PRKCH: variants seen among roughly 807,000 people sequenced by gnomAD.
PRKCH encodes the protein protein kinase C eta type.
In PRKCH, 28 loss-of-function variants were observed where a neutral mutation model predicts 82.5. The ratio of observed to expected loss-of-function variants is 0.34; its 90% CI spans 0.25 to 0.47. PRKCH has a LOEUF of 0.47. Among genes scored for constraint, PRKCH ranks in the 20% least tolerant of loss-of-function variants. The pLI, the probability that PRKCH is intolerant of heterozygous loss-of-function variation, is 1.00. For synonymous variants in PRKCH, 322 were observed against 327.4 expected, an observed-to-expected ratio of 0.98 and a Z score of 0.18; for missense variants, 705 against 881.8, an observed-to-expected ratio of 0.80 and a Z score of 2.54.
chr14:61,336,032 G>A lies in PRKCH; in HGVS notation c.363+13568G>A, dbSNP rs1459568788. Among the ~76,000 whole-genome samples, 4 of 152,060 alleles carry A rather than the reference G, an allele frequency of 2.6e-5. 1 individual carries two copies. Among genetic ancestry groups the A allele is most frequent in the African/African-American group, 9.7e-5 (4 of 41,398 alleles). On this transcript the variant is annotated intron_variant, in intron 1 of 13. Transcript: ENST00000332981. Reference sequence around the variant, plus strand: ...CCACAACACAGTACCTGCCTCACAGGGTTACTTCAGAACACAGTGAGGACT... The same window carrying A: ...CCACAACACAGTACCTGCCTCACAGAGTTACTTCAGAACACAGTGAGGACT...
At chr14:61,485,808 G>T (rs549196262) in intron 10 of PRKCH, 152 bp downstream of exon 10, 2 of 1,097,918 alleles carry the variant, frequency 1.8e-6, no homozygotes, top group South Asian at 1.6e-5. Context: ...TTGAGACAGG[G>T]TCTCACTCCA....
At chr14:61,428,076 T>TAGATAGATACAC (rs377250538) in intron 2 of PRKCH, among the ~76,000 whole-genome samples, 2,742 of 126,120 alleles carry the variant, frequency 0.022, 39 homozygotes, top group African/African-American at 0.033. Context: ...GATAGATAGA[T>TAGATAGATACAC]ACACACACAC....
At chr14:61,391,389 G>T in intron 2 of PRKCH, 101 bp downstream of exon 2, 1 of 1,038,174 alleles carries the variant, frequency 9.6e-7, no homozygotes, top group Non-Finnish European at 1.4e-6. Context: ...CATGTTGTAA[G>T]AGATGCTTAA....
chr14:61,214,526 G>C (rs535817570), intron 1 of PRKCH, among the ~76,000 whole-genome samples: 1 of 152,222 alleles, frequency 6.6e-6, no homozygotes, highest in South Asian at 2.1e-4. Flanking sequence ...AAATACCATA[G>C]ACTAGGTGAC....
At chr14:61,493,997 GGA>G (rs1419917357) in intron 10 of PRKCH, among the ~76,000 whole-genome samples, 1 of 152,152 alleles carries the variant, frequency 6.6e-6, no homozygotes, top group Non-Finnish European at 1.5e-5. Context: ...CCATTAGCTA[GGA>G]GAGATCATGT....
intron 1 of PRKCH, chr14:61,327,039 C>T (rs888087418): frequency 2.2e-5 from 10 of 455,814 alleles, no homozygotes; most frequent in Admixed American, 7.0e-5. Flanking sequence ...CTGGAGGCTG[C>T]GTCATGGAAA....
intron 1 of PRKCH, among the ~76,000 whole-genome samples, chr14:61,359,126 T>A (rs889155982): frequency 5.9e-5 from 9 of 152,176 alleles, no homozygotes; most frequent in African/African-American, 1.9e-4. Flanking sequence ...ATGCTTGACA[T>A]GTAGTAAGTG....
At chr14:61,490,073 C>T (rs1179282155) in intron 10 of PRKCH, among the ~76,000 whole-genome samples, 1 of 152,236 alleles carries the variant, frequency 6.6e-6, no homozygotes. Flanking sequence ...TGCTTTTCGA[C>T]TCATGAGTCT....
At chr14:61,200,388 A>AGAGTGTGT (rs34857176) in intron 1 of PRKCH, among the ~76,000 whole-genome samples, 2 of 142,416 alleles carry the variant, frequency 1.4e-5, no homozygotes, top group African/African-American at 5.9e-5. Context: ...TGAGTGAGTG[A>AGAGTGTGT]GTGTGTGTGT....
At chr14:61,240,510 A>T (rs548226896) in intron 1 of PRKCH, among the ~76,000 whole-genome samples, 2 of 152,278 alleles carry the variant, frequency 1.3e-5, no homozygotes, top group African/African-American at 4.8e-5. Context: ...ATAAGAGGGC[A>T]GGACTGCCAG....
In PRKCH at chr14:61,205,500, C is replaced by T. The variant is rs138945433; in HGVS notation, c.-19+17832C>T. 7.7e-3 allele frequency among the ~76,000 whole-genome samples: 1,168 copies of T among 152,250 alleles called. 15 individuals carry two copies. The highest frequency in any genetic ancestry group is 0.026 in the African/African-American group (1,075 of 41,532). On this transcript the variant is annotated intron_variant, in intron 1 of 3. Coordinates refer to the PRKCH transcript ENST00000555185. Reference sequence around the variant, plus strand: ...GGCTTCCAGGGGAGAGGCAAGGAAGCCCAGTGGGAGCTGTAGATGTGATTG... The same window carrying T: ...GGCTTCCAGGGGAGAGGCAAGGAAGTCCAGTGGGAGCTGTAGATGTGATTG...
At chr14:61,226,605 T>C (rs999923969) in intron 1 of PRKCH, among the ~76,000 whole-genome samples, 1 of 152,238 alleles carries the variant, frequency 6.6e-6, no homozygotes, top group African/African-American at 2.4e-5. Flanking sequence ...GGCAGAAAAC[T>C]GGATGTTGTG....
intron 1 of PRKCH, among the ~76,000 whole-genome samples, chr14:61,256,260 T>A (rs879556030): frequency 6.6e-6 from 1 of 152,188 alleles, no homozygotes; most frequent in Admixed American, 6.5e-5. Context: ...AAATGAATCA[T>A]ACAAAAAGGT....
chr14:61,271,732 C>A (rs1156629642), intron 1 of PRKCH, among the ~76,000 whole-genome samples: 2 of 152,134 alleles, frequency 1.3e-5, no homozygotes, highest in Non-Finnish European at 2.9e-5. Context: ...CAGAACATTG[C>A]CTGGAAAGTG....
chr14:61,271,778 G>T (rs963149508), intron 1 of PRKCH, among the ~76,000 whole-genome samples: 20 of 152,316 alleles, frequency 1.3e-4, no homozygotes, highest in Admixed American at 3.9e-4. Flanking sequence ...TGTCACTGCT[G>T]ACTTTGAATA....
intron 1 of PRKCH, among the ~76,000 whole-genome samples, chr14:61,311,496 C>A (rs1248379470): frequency 6.6e-6 from 1 of 152,202 alleles, no homozygotes; most frequent in African/African-American, 2.4e-5. Flanking sequence ...TAGGAAACTC[C>A]AAACTATCCC....
At chr14:61,480,663 T>G (rs750837431) in intron 9 of PRKCH, among the ~76,000 whole-genome samples, 6 of 152,232 alleles carry the variant, frequency 3.9e-5, no homozygotes, top group Non-Finnish European at 8.8e-5. Flanking sequence ...CTTATAATTC[T>G]AGTAGAGACT....
chr14:61,200,742 A>G (rs931283263), intron 1 of PRKCH, among the ~76,000 whole-genome samples: 3 of 151,258 alleles, frequency 2.0e-5, no homozygotes, highest in Non-Finnish European at 2.9e-5. Flanking sequence ...ATATTTATAC[A>G]ACTTTCATTA....
At chr14:61,508,574 C>T (rs1295570144) in intron 10 of PRKCH, among the ~76,000 whole-genome samples, 1 of 152,066 alleles carries the variant, frequency 6.6e-6, no homozygotes, top group African/African-American at 2.4e-5. Context: ...CAGTCTTCTG[C>T]GGGAGGAGGA....
Sources: allele counts gnomAD v4.1 joint callset (sites outside exome capture counted in the v4.1 genomes callset), GRCh38; gene constraint gnomAD v4.1.1; transcripts MANE v1.5; gene names NCBI Gene and HGNC (gene_info 2026-07-23, HGNC 2026-07-21).